MEN1: variants seen among roughly 807,000 people sequenced by gnomAD.
The protein encoded by MEN1 is menin 1, also known as menin.
A neutral mutation model predicts 58.0 loss-of-function variants in MEN1; 6 were observed. That is an observed-to-expected ratio of 0.10 (90% CI 0.06 to 0.20). The LOEUF is 0.20. Ranked by LOEUF, MEN1 falls within the 10% of genes least tolerant of loss-of-function variation. The probability of loss-of-function intolerance (pLI) is 1.00; values close to 1 mark genes in which losing one functional copy is unlikely to be tolerated. For missense variants in MEN1, 492 were observed against 818.5 expected, an observed-to-expected ratio of 0.60 and a Z score of 4.87; for synonymous variants, 346 against 350.7, an observed-to-expected ratio of 0.99 and a Z score of 0.15.
At chr11:64,810,293 A>C in intron 1 of MEN1, 161 bp from the exon 2 acceptor site, 1 of 606,884 alleles carries the variant, frequency 1.6e-6, no homozygotes, top group African/African-American at 1.9e-5. Flanking sequence ...TGTCGGTGAG[A>C]CCCCTCAGCC....
In MEN1 at chr11:64,807,488, C is replaced by A; in HGVS notation, c.783+64G>T. The stretch of plus-strand genomic sequence containing the variant: ...GCTCAGGAAGGGAAAGTGCCCCTGC[C>A]CAGGGTCCCACAGCAAGTCAAGTCT... On this transcript the variant is annotated intron_variant, in intron 4 of 9. Coordinates refer to ENST00000450708, the MANE Select transcript of MEN1 (RefSeq NM_001370259.2). This position sits in a 1 kb window ranked among gnomAD's most constrained non-coding sequence, Gnocchi z 4.9. The A allele has an allele frequency of 6.3e-7, 1 of 1,579,636 alleles. No individual in the cohort carries two copies. Among genetic ancestry groups the A allele is most frequent in the South Asian group, 1.1e-5 (1 of 89,818 alleles).
In MEN1 at chr11:64,810,152, A is replaced by AG; in HGVS notation, c.-23-21dup. ...GGCGGCCTGCAAGGCAAGCCGGGGG[A>AG]GGGAGGGTCGGGCAGGTTCGGCCGG... is the stretch of plus-strand genomic sequence containing the variant. On this transcript the variant is annotated intron_variant, in intron 1 of 9. Coordinates refer to ENST00000450708, the MANE Select transcript of MEN1 (RefSeq NM_001370259.2). 10 of 276,264 alleles carry AG rather than the reference A, an allele frequency of 3.6e-5. No homozygotes were observed. Among genetic ancestry groups the AG allele is most frequent in the South Asian group, 8.9e-5 (3 of 33,846 alleles). The allele number at this position is 276,264 out of a possible 1,614,324, so 17.1% of individuals were successfully genotyped here. A position where few individuals can be genotyped will look rare whatever the true frequency, so the allele number is the denominator to read the frequency against.
At position 64,808,023 on chromosome 11, in the gene MEN1, G is replaced by A. The variant is rs751487458; in HGVS notation, c.522C>T (p.His174=). ...ACQALGLRDV[H]LALSEDHAWV... ...AGGCATGATCCTCAGACAGGGCGAG[G>A]TGGACATCCCGGAGACCCAGGGCCT... The change falls in exon 3 of 10, where the codon CAC becomes CAT. Residue 174 remains histidine (H), a synonymous_variant. Transcript: ENST00000450708. 3 of 1,614,048 alleles carry A rather than the reference G, an allele frequency of 1.9e-6. No homozygotes were observed. Among genetic ancestry groups the A allele is most frequent in the South Asian group, 2.2e-5 (2 of 91,086 alleles).
rs751932519 is a variant in MEN1, at chr11:64,804,824, A to C, written c.1351-8T>G. On this transcript the variant is annotated splice_polypyrimidine_tract_variant and splice_region_variant and intron_variant, in intron 9 of 9. Coordinates refer to ENST00000450708, the MANE Select transcript of MEN1 (RefSeq NM_001370259.2). This position sits in a 1 kb window ranked among gnomAD's most constrained non-coding sequence, Gnocchi z 4.2. ...GCGCACCTTCTGCCGCACCTGGGCCAGTGGGGAGAGCAAGGTGAGAGCAAG... is the reference window on the plus strand; with the variant it reads ...GCGCACCTTCTGCCGCACCTGGGCCCGTGGGGAGAGCAAGGTGAGAGCAAG... 34 of 1,596,366 alleles carry C rather than the reference A, an allele frequency of 2.1e-5. No homozygotes were observed. Among genetic ancestry groups the C allele is most frequent in the Non-Finnish European group, 2.8e-5 (33 of 1,178,836 alleles).
rs1941816378 is a variant in MEN1, at chr11:64,807,549, C to T, written c.783+3G>A. 1 of 1,614,132 alleles carries T rather than the reference C, an allele frequency of 6.2e-7. No individual in the cohort carries two copies. Among genetic ancestry groups the T allele is most frequent in the Non-Finnish European group, 8.5e-7 (1 of 1,180,030 alleles). On this transcript the variant is annotated splice_donor_region_variant and intron_variant, in intron 4 of 9. Transcript: ENST00000450708. The surrounding 1 kb of genome is among the most constrained non-coding windows in gnomAD (Gnocchi z 4.9). The stretch of plus-strand genomic sequence containing the variant: ...AGTCCTGCCCCATTGGCTCAGCCCT[C>T]ACCTGCTGCAGCTGCAGAAGCTCCA...
rs1334172427 is a variant in MEN1, at chr11:64,806,215, A to G, written c.1049+17T>C. ...GAAGAAAGGACAGGCTGCAGGCCCT[A>G]GTAGGGGGATCCTCACTCCTGGATG... On this transcript the variant is annotated intron_variant, in intron 7 of 9. Coordinates refer to ENST00000450708, the MANE Select transcript of MEN1 (RefSeq NM_001370259.2). The G allele has an allele frequency of 1.2e-6, 2 of 1,613,818 alleles. No individual in the cohort carries two copies. Among genetic ancestry groups the G allele is most frequent in the Non-Finnish European group, 1.7e-6 (2 of 1,179,972 alleles).
intron 2 of MEN1, 114 bp downstream of exon 2, chr11:64,809,551 A>C (rs1941969381): frequency 7.4e-7 from 1 of 1,354,932 alleles, no homozygotes; most frequent in Admixed American, 2.1e-5. Flanking sequence ...GCAAAGAGGA[A>C]AATAACACCT....
chr11:64,810,125 GCGGCGGCC>G lies in MEN1; in HGVS notation c.-23-1_-17del. On this transcript the variant is annotated splice_acceptor_variant and 5_prime_UTR_variant, in exon 2 of 10. Coordinates refer to ENST00000450708, the MANE Select transcript of MEN1 (RefSeq NM_001370259.2). LOFTEE classifies it low-confidence loss of function (5UTR_SPLICE). ...TCAGCCCCATGGCGGCGGGCGGTGG[GCGGCGGCC>G]TGCAAGGCAAGCCGGGGGAGGGAGG... 2.6e-6 allele frequency: 4 copies of G among 1,529,552 alleles called. No homozygotes were observed. The highest frequency in any genetic ancestry group is 3.5e-6 in the Non-Finnish European group (4 of 1,138,736). 94.7% of individuals were successfully genotyped at this position (1,529,552 alleles called of 1,614,324 possible).
intron 6 of MEN1, 107 bp downstream of exon 6, chr11:64,806,904 G>A: frequency 1.0e-6 from 1 of 982,414 alleles, no homozygotes; most frequent in Admixed American, 2.0e-5. Flanking sequence ...GACTGGATGG[G>A]CGATACCCCC....
chr11:64,804,619 C>G lies in MEN1; in HGVS notation c.1548G>C (p.Arg516=), dbSNP rs1297016658. The G allele has an allele frequency of 6.2e-7, 1 of 1,608,198 alleles. No homozygotes were observed. Among genetic ancestry groups the G allele is most frequent in the Non-Finnish European group, 8.5e-7 (1 of 1,178,676 alleles). Residue 516 remains arginine (R), a synonymous_variant, in exon 10 of 10, where the codon CGG becomes CGC. Coordinates refer to ENST00000450708, the MANE Select transcript of MEN1 (RefSeq NM_001370259.2). The surrounding 1 kb of genome is among the most constrained non-coding windows in gnomAD (Gnocchi z 4.2). ...TGQGAVSGPP[R]KPPGTVAGTA... is the part of the protein sequence containing the mutation. Reference sequence around the variant, plus strand: ...TGCCAGCGACAGTCCCAGGAGGCTTCCGGGGGGGTCCTGACACTGCACCCT... The same window carrying G: ...TGCCAGCGACAGTCCCAGGAGGCTTGCGGGGGGGTCCTGACACTGCACCCT...
chr11:64,808,412 T>C (rs1374802624), intron 2 of MEN1, among the ~76,000 whole-genome samples: 1 of 152,206 alleles, frequency 6.6e-6, no homozygotes, highest in African/African-American at 2.4e-5. Context: ...TTTACTGCAC[T>C]TACTAGGTTA....
At position 64,806,378 on chromosome 11, in the gene MEN1, G is replaced by A. The variant is rs2136122123; in HGVS notation, c.913-10C>T. ...TGGCTGAGGCAATGCCCTGGATGGA[G>A]GTGAGGCAGAGGATCCTCAGGGAGG... On this transcript the variant is annotated splice_polypyrimidine_tract_variant and intron_variant, in intron 6 of 9. Coordinates refer to ENST00000450708, the MANE Select transcript of MEN1 (RefSeq NM_001370259.2). 6.2e-7 allele frequency: 1 copy of A among 1,614,128 alleles called. No individual in the cohort carries two copies. Among genetic ancestry groups the A allele is most frequent in the Non-Finnish European group, 8.5e-7 (1 of 1,179,976 alleles).
At chr11:64,806,941 G>A (rs767613816) in intron 6 of MEN1, 70 bp downstream of exon 6, 4 of 1,378,306 alleles carry the variant, frequency 2.9e-6, no homozygotes, top group Non-Finnish European at 4.1e-6. Flanking sequence ...CTTCTCATCT[G>A]CCCAGATGAG....
At chr11:64,805,874 G>A (rs1941686364) in intron 7 of MEN1, 104 bp from the exon 8 acceptor site, 1 of 1,170,798 alleles carries the variant, frequency 8.5e-7, no homozygotes. Context: ...TGGGGGAGTA[G>A]GTGGGGTCCT....
At chr11:64,806,391 A>T in intron 6 of MEN1, 23 bp from the exon 7 acceptor site, 1 of 1,614,012 alleles carries the variant, frequency 6.2e-7, no homozygotes, top group Non-Finnish European at 8.5e-7. Context: ...GAGGCAGAGG[A>T]TCCTCAGGGA....
chr11:64,811,120 A>T (rs1416121019), upstream of MEN1: 2 of 151,460 alleles, frequency 1.3e-5, no homozygotes, highest in Non-Finnish European at 2.9e-5. Flanking sequence ...GTTTTGAGAC[A>T]CGGTCTTTCT....
At position 64,804,202 on chromosome 11, in the gene MEN1, G is replaced by A; in HGVS notation, c.*132C>T. On this transcript the variant is annotated 3_prime_UTR_variant, in exon 10 of 10. Transcript: ENST00000450708. The surrounding 1 kb of genome is among the most constrained non-coding windows in gnomAD (Gnocchi z 4.2). ...CGTGGGTTTGATACAGACTGTACTC[G>A]GGACCGGGAACCTAGGGTTTGGGTA... The A allele has an allele frequency of 8.4e-7, 1 of 1,195,834 alleles. No individual in the cohort carries two copies. Among genetic ancestry groups the A allele is most frequent in the Non-Finnish European group, 1.2e-6 (1 of 812,510 alleles). 74.1% of individuals were successfully genotyped at this position (1,195,834 alleles called of 1,614,324 possible). A position where few individuals can be genotyped will look rare whatever the true frequency, so the allele number is the denominator to read the frequency against.
chr11:64,808,053 G>T lies in MEN1; in HGVS notation c.492C>A (p.Ala164=). 1 of 1,614,028 alleles carries T rather than the reference G, an allele frequency of 6.2e-7. No individual in the cohort carries two copies. The stretch of plus-strand genomic sequence containing the variant: ...CATCCCGGAGACCCAGGGCCTGGCA[G>T]GCCCCAACCACAGCAAAGGCCACAC... ...SSGVAFAVVG[A]CQALGLRDVH... The change falls in exon 3 of 10, where the codon GCC becomes GCA. Residue 164 remains alanine (A), a synonymous_variant. Transcript: ENST00000450708.
At chr11:64,805,894 A>C in intron 7 of MEN1, 124 bp from the exon 8 acceptor site, 1 of 979,664 alleles carries the variant, frequency 1.0e-6, no homozygotes, top group Non-Finnish European at 1.6e-6. Context: ...TCACTGCAAA[A>C]TGATGCTGTC....
Sources: allele counts gnomAD v4.1 joint callset (sites outside exome capture counted in the v4.1 genomes callset), GRCh38; gene constraint gnomAD v4.1.1; non-coding constraint Gnocchi (gnomAD v3.1); transcripts MANE v1.5; gene names NCBI Gene and HGNC (gene_info 2026-07-23, HGNC 2026-07-21).